The following AQP9 variants were observed in gnomAD, a reference collection of about 807,000 sequenced individuals.
AQP9 encodes aquaporin 9, also known as aquaporin-9.
In AQP9, 19 loss-of-function variants were observed where a neutral mutation model predicts 23.8. The observed-to-expected ratio is 0.80, with a 90% CI of 0.56 to 1.17. AQP9 has a LOEUF of 1.17. Among genes scored for constraint, AQP9 ranks in the 50% most tolerant of loss-of-function variants. AQP9 has a pLI of 0.00. For missense variants in AQP9, 413 were observed against 362.0 expected (o/e 1.14, Z -1.14); for synonymous variants, 153 against 131.5 (o/e 1.16, Z -1.12).
intron 2 of AQP9, among the ~76,000 whole-genome samples, chr15:58,171,018 G>A (rs1313635190): frequency 6.6e-6 from 1 of 151,602 alleles, no homozygotes; most frequent in African/African-American, 2.4e-5. Flanking sequence ...TCTGCCTCCT[G>A]GGTTCAAGCA....
intron 1 of AQP9, among the ~76,000 whole-genome samples, chr15:58,157,844 C>G (rs929079189): frequency 1.3e-5 from 2 of 152,042 alleles, no homozygotes; most frequent in Non-Finnish European, 2.9e-5. Flanking sequence ...AGATAATCAC[C>G]AAAATATCTC....
chr15:58,146,856 G>A (rs1165282706), intron 1 of AQP9: 3 of 152,206 alleles, frequency 2.0e-5, no homozygotes, highest in African/African-American at 4.8e-5. Flanking sequence ...CCAAAAGAAC[G>A]GCACTCTGTG....
chr15:58,166,545 T>A, intron 1 of AQP9, 128 bp from the exon 2 acceptor site: 2 of 1,238,744 alleles, frequency 1.6e-6, no homozygotes, highest in South Asian at 3.2e-5. Context: ...TCATTATAAT[T>A]TGATTTGTAT....
rs148564201 is a variant in AQP9 at position 58,148,643 on chromosome 15, C to T, written c.111+9967C>T. 5.8e-3 allele frequency among the ~76,000 whole-genome samples: 885 copies of T among 152,312 alleles called. 7 individuals are homozygous for T. Among genetic ancestry groups the T allele is most frequent in the African/African-American group, 0.02 (847 of 41,566 alleles). On this transcript the variant is annotated intron_variant, in intron 1 of 5. Coordinates refer to ENST00000219919, the MANE Select transcript of AQP9 (RefSeq NM_020980.5). ...AACACAACTTAATTAATAAATGCTT[C>T]ATTCATTTCTTATTCTGGTCCTTGG... is the stretch of plus-strand genomic sequence containing the variant.
rs1898974307 is a variant in AQP9, at chr15:58,184,569, A to G, written c.*434A>G. ...CCAACCAAACCCTAAATTGAAAGAC[A>G]AAACTATGGTTTCAGTCAACATATT... On this transcript the variant is annotated 3_prime_UTR_variant, in exon 6 of 6. Coordinates refer to ENST00000219919, the MANE Select transcript of AQP9 (RefSeq NM_020980.5). 1 of 155,324 alleles carries G rather than the reference A, an allele frequency of 6.4e-6. No individual in the cohort carries two copies. Among genetic ancestry groups the G allele is most frequent in the Admixed American group, 6.4e-5 (1 of 15,592 alleles). 9.6% of individuals were successfully genotyped at this position (155,324 alleles called of 1,614,324 possible).
intron 4 of AQP9, among the ~76,000 whole-genome samples, chr15:58,175,606 T>G (rs1898735125): frequency 1.3e-5 from 2 of 152,222 alleles, no homozygotes; most frequent in Admixed American, 6.5e-5. Context: ...GGACTAACAT[T>G]GTCAACTCAA....
chr15:58,146,396 C>A (rs536170463), intron 1 of AQP9, among the ~76,000 whole-genome samples: 1 of 151,988 alleles, frequency 6.6e-6, no homozygotes, highest in Admixed American at 6.6e-5. Flanking sequence ...CTGTTTAACA[C>A]GTTCATTGAG....
At position 58,175,029 on chromosome 15, in the gene AQP9, C is replaced by T. The variant is rs757538160; in HGVS notation, c.488C>T (p.Ala163Val). 2.5e-6 allele frequency: 4 copies of T among 1,611,328 alleles called. No homozygotes were observed. Among genetic ancestry groups the T allele is most frequent in the Non-Finnish European group, 3.4e-6 (4 of 1,177,432 alleles). Residue 163 changes from alanine (A) to valine (V), a missense_variant, in exon 4 of 6, where the codon GCA becomes GTA. Ala to Val is a moderately conservative substitution (Grantham distance 64, BLOSUM62 0). Transcript: ENST00000219919. Reference protein sequence around the residue: ...APYLSLANAFADQVVATMILL... With the variant: ...APYLSLANAFVDQVVATMILL... ...TATCTATCTCTGGCGAACGCATTTGCAGATCAAGTAAGTGTAGATTCAACA... is the reference window on the plus strand; with the variant it reads ...TATCTATCTCTGGCGAACGCATTTGTAGATCAAGTAAGTGTAGATTCAACA...
chr15:58,174,129 A>T (rs926118097), intron 3 of AQP9, among the ~76,000 whole-genome samples: 2 of 151,994 alleles, frequency 1.3e-5, no homozygotes, highest in East Asian at 1.9e-4. Flanking sequence ...TCAGAAAAAA[A>T]AATTAAAAAT....
In AQP9 at chr15:58,184,509, TTTC is replaced by T. The variant is rs1898972275; in HGVS notation, c.*378_*380del. On this transcript the variant is annotated 3_prime_UTR_variant, in exon 6 of 6. Transcript: ENST00000219919. ...TATGAAATGGTGTCACCAAAACCCT[TTTC>T]TTCAGTATCGACAAAGATTACATTC... 1 of 167,718 alleles carries T rather than the reference TTTC, an allele frequency of 6.0e-6. No homozygotes were observed. The highest frequency in any genetic ancestry group is 1.3e-5 in the Non-Finnish European group (1 of 78,538). 10.4% of individuals were successfully genotyped at this position (167,718 alleles called of 1,614,324 possible). A position where few individuals can be genotyped will look rare whatever the true frequency, so the allele number is the denominator to read the frequency against.
chr15:58,163,584 G>A (rs1014444220), intron 1 of AQP9, among the ~76,000 whole-genome samples: 6 of 152,114 alleles, frequency 3.9e-5, no homozygotes, highest in African/African-American at 9.7e-5. Flanking sequence ...TATTAGGTTT[G>A]TTGAGAAGAA....
At chr15:58,147,163 T>C (rs960574571) in intron 1 of AQP9, among the ~76,000 whole-genome samples, 6 of 152,176 alleles carry the variant, frequency 3.9e-5, no homozygotes, top group Non-Finnish European at 8.8e-5. Flanking sequence ...AATTTTAATT[T>C]TACCCAGAAA....
At chr15:58,167,743 T>A (rs1461155698) in intron 2 of AQP9, among the ~76,000 whole-genome samples, 1 of 152,084 alleles carries the variant, frequency 6.6e-6, no homozygotes, top group Non-Finnish European at 1.5e-5. Context: ...TGTTTTTTTT[T>A]AGGAGTCTTG....
chr15:58,173,662 C>G (rs1898675256), intron 3 of AQP9, among the ~76,000 whole-genome samples: 1 of 152,026 alleles, frequency 6.6e-6, no homozygotes, highest in Non-Finnish European at 1.5e-5. Context: ...TATCAAACAG[C>G]CAGGGCTTCC....
At chr15:58,183,846 C>A in intron 5 of AQP9, 115 bp from the exon 6 acceptor site, 2 of 1,206,094 alleles carry the variant, frequency 1.7e-6, no homozygotes, top group Non-Finnish European at 2.4e-6. Flanking sequence ...TTAGCTCTTG[C>A]TGAGTTAAGA....
intron 1 of AQP9, chr15:58,146,828 C>G (rs1413788778): frequency 2.6e-5 from 4 of 152,190 alleles, no homozygotes; most frequent in Non-Finnish European, 2.9e-5. Context: ...ATGCAGGTGC[C>G]TGTTGAAGAG....
chr15:58,183,184 A>C (rs1898930918), intron 5 of AQP9, among the ~76,000 whole-genome samples: 1 of 152,190 alleles, frequency 6.6e-6, no homozygotes, highest in Non-Finnish European at 1.5e-5. Flanking sequence ...CTGCTTTTTA[A>C]AAATACTTTT....
intron 1 of AQP9, chr15:58,164,165 A>AT (rs1480292387): frequency 6.6e-6 from 1 of 152,178 alleles, no homozygotes; most frequent in Non-Finnish European, 1.5e-5. Context: ...AGAGGGGAGT[A>AT]TTAATCATAG....
chr15:58,181,130 A>G (rs1898879099), intron 5 of AQP9, among the ~76,000 whole-genome samples: 1 of 152,152 alleles, frequency 6.6e-6, no homozygotes, highest in South Asian at 2.1e-4. Context: ...ATCTTGCCCA[A>G]TGTCCCTTTG....
Sources: gnomAD v4.1 joint callset for allele counts (sites outside exome capture counted in the v4.1 genomes callset) on GRCh38, gnomAD v4.1.1 for gene constraint, MANE v1.5 for transcripts, NCBI Gene and HGNC (gene_info 2026-07-23, HGNC 2026-07-21) for gene names.